TNRC6A: variants seen among roughly 807,000 people sequenced by gnomAD.
TNRC6A encodes trinucleotide repeat containing adaptor 6A.
A neutral mutation model predicts 221.2 loss-of-function variants in TNRC6A; 44 were observed. That is an observed-to-expected ratio of 0.20 (90% CI 0.16 to 0.26). The LOEUF is 0.26. Ranked by LOEUF, TNRC6A falls within the 10% of genes least tolerant of loss-of-function variation. The pLI, the probability that TNRC6A is intolerant of heterozygous loss-of-function variation, is 1.00. For synonymous variants in TNRC6A, 847 were observed against 838.5 expected (o/e 1.01, Z -0.18); for missense variants, 2,199 against 2,404.4 (o/e 0.91, Z 1.79).
intron 2 of TNRC6A, among the ~76,000 whole-genome samples, chr16:24,656,709 G>A (rs1394771327): frequency 6.6e-6 from 1 of 152,016 alleles, no homozygotes; most frequent in Non-Finnish European, 1.5e-5. Flanking sequence ...TTATTTTGGG[G>A]GAAAGAGGAA....
intron 2 of TNRC6A, among the ~76,000 whole-genome samples, chr16:24,667,944 G>A (rs1264161557): frequency 6.6e-6 from 1 of 152,146 alleles, no homozygotes; most frequent in Non-Finnish European, 1.5e-5. Flanking sequence ...AGAATCTCTT[G>A]GGCCCAGAAT....
At chr16:24,743,682 A>G (rs1342955249) in intron 2 of TNRC6A, among the ~76,000 whole-genome samples, 1 of 152,234 alleles carries the variant, frequency 6.6e-6, no homozygotes, top group East Asian at 1.9e-4. Context: ...ACTTCTGAAT[A>G]TCCTTAACCC....
Position 24,789,970 on chromosome 16 carries a change from C to T in TNRC6A, c.1328C>T (p.Pro443Leu). Residue 443 changes from proline (P) to leucine (L), a missense_variant, in exon 6 of 25, where the codon CCT (proline) becomes CTT (leucine). Transcript: ENST00000395799. ...CAGAAGGTTTCATTCAGTGGTCAAC[C>T]TCAAAATATTACCACTGAAATGACT... ...GTQKVSFSGQ[P>L]QNITTEMTGP... 1.2e-6 allele frequency: 2 copies of T among 1,614,084 alleles called. No homozygotes were observed. The highest frequency in any genetic ancestry group is 1.7e-6 in the Non-Finnish European group (2 of 1,180,002).
chr16:24,699,968 C>G (rs1332956955), intron 2 of TNRC6A, among the ~76,000 whole-genome samples: 4 of 152,070 alleles, frequency 2.6e-5, no homozygotes, highest in Non-Finnish European at 2.9e-5. Flanking sequence ...AAATCTAGCT[C>G]TGATGCCAAA....
chr16:24,645,361 T>C (rs1484530501), intron 2 of TNRC6A, among the ~76,000 whole-genome samples: 1 of 151,644 alleles, frequency 6.6e-6, no homozygotes, highest in African/African-American at 2.4e-5. Flanking sequence ...CAAAAATTAG[T>C]CCGGTGGTAG....
intron 14 of TNRC6A, 65 bp from the exon 15 acceptor site, chr16:24,805,540 C>T (rs1211219675): frequency 1.9e-6 from 3 of 1,587,474 alleles, no homozygotes; most frequent in African/African-American, 1.3e-5. Context: ...ACTGAAAACA[C>T]ACAGTACGTG....
rs541689814 is a variant in TNRC6A at position 24,659,373 on chromosome 16, G to A, written n.402+18364G>A. ...AAATTTGGGTTTAAATTTTTTCTTT[G>A]ATCTGTCTGTCTCTGTGTCTCTCTC... On this transcript the variant is annotated intron_variant and non_coding_transcript_variant, in intron 2 of 2. Transcript: ENST00000566108. Among the ~76,000 whole-genome samples, 4 of 152,060 alleles carry A rather than the reference G, an allele frequency of 2.6e-5. No homozygotes were observed. In the East Asian group the frequency reaches 5.8e-4, roughly 22 times the overall value.
At position 24,823,973 on chromosome 16, in the gene TNRC6A, C is replaced by A; in HGVS notation, c.*166C>A. 1 of 553,964 alleles carries A rather than the reference C, an allele frequency of 1.8e-6. No individual in the cohort carries two copies. Among genetic ancestry groups the A allele is most frequent in the East Asian group, 3.4e-5 (1 of 29,218 alleles). 34.3% of individuals were successfully genotyped at this position (553,964 alleles called of 1,614,324 possible). A position where few individuals can be genotyped will look rare whatever the true frequency, so the allele number is the denominator to read the frequency against. On this transcript the variant is annotated 3_prime_UTR_variant, in exon 25 of 25. Transcript: ENST00000395799. This position sits in a 1 kb window ranked among gnomAD's most constrained non-coding sequence, Gnocchi z 4.3. ...TATCAGTTTGAATACTTGAATCATG[C>A]AGGCCAATATTATAATGTGAAAAGG...
At chr16:24,657,232 T>A (rs1027372501) in intron 2 of TNRC6A, among the ~76,000 whole-genome samples, 41 of 147,328 alleles carry the variant, frequency 2.8e-4, no homozygotes, top group African/African-American at 1.0e-3. Flanking sequence ...GCAGAAGGAT[T>A]GATTGAGCCT....
intron 2 of TNRC6A, chr16:24,662,657 A>G (rs2055060249): frequency 6.5e-6 from 1 of 153,590 alleles, no homozygotes; most frequent in African/African-American, 2.4e-5. Context: ...AGTGGAATCT[A>G]CAGGGCCATT....
chr16:24,793,232 C>T lies in TNRC6A; in HGVS notation c.3176-241C>T, dbSNP rs976640179. On this transcript the variant is annotated intron_variant, in intron 6 of 24. Transcript: ENST00000395799. ...TTCCATAACTATGCAAAAATCAGCT[C>T]TAGGTCTAGAGGGTAATTATGAAAA... 9 of 299,554 alleles carry T rather than the reference C, an allele frequency of 3.0e-5. 1 individual carries two copies. The highest frequency in any genetic ancestry group is 5.5e-5 in the Non-Finnish European group (9 of 164,178). 18.6% of individuals were successfully genotyped at this position (299,554 alleles called of 1,614,324 possible). A position where few individuals can be genotyped will look rare whatever the true frequency, so the allele number is the denominator to read the frequency against.
intron 18 of TNRC6A, among the ~76,000 whole-genome samples, chr16:24,810,915 A>G (rs534675612): frequency 2.6e-5 from 4 of 152,228 alleles, no homozygotes; most frequent in African/African-American, 4.8e-5. Flanking sequence ...CACTTAACTC[A>G]TTCTTTCATT....
At chr16:24,672,949 C>T (rs539323658) in intron 2 of TNRC6A, among the ~76,000 whole-genome samples, 6 of 152,050 alleles carry the variant, frequency 3.9e-5, no homozygotes, top group Non-Finnish European at 2.9e-5. Flanking sequence ...ACCTGTAATC[C>T]CAGCACTTTG....
chr16:24,675,690 CTCTCTCTCTCTCTATA>C (rs1282982494), intron 2 of TNRC6A, among the ~76,000 whole-genome samples: 5 of 87,110 alleles, frequency 5.7e-5, no homozygotes, highest in African/African-American at 2.0e-4. Context: ...CTCTCTCTCT[CTCTCTCTCTCTCTATA>C]TATATATATA....
At chr16:24,708,068 A>C (rs34757895) in intron 2 of TNRC6A, among the ~76,000 whole-genome samples, 26,395 of 150,240 alleles carry the variant, frequency 0.18, 2,771 homozygotes, top group South Asian at 0.26. Flanking sequence ...AAAAAAAAAA[A>C]ACACACACAC....
At chr16:24,821,046 A>G (rs765065528) in intron 22 of TNRC6A, among the ~76,000 whole-genome samples, 4 of 152,244 alleles carry the variant, frequency 2.6e-5, no homozygotes, top group Non-Finnish European at 4.4e-5. Flanking sequence ...TTTTCTGATT[A>G]AATATGTAAT....
intron 4 of TNRC6A, among the ~76,000 whole-genome samples, chr16:24,761,264 A>G (rs2057356532): frequency 6.6e-6 from 1 of 152,242 alleles, no homozygotes; most frequent in Admixed American, 6.5e-5. Flanking sequence ...TGAAAGTTTT[A>G]TTCTTGTGAC....
At chr16:24,797,431 C>T in intron 9 of TNRC6A, 59 bp from the exon 10 acceptor site, 1 of 1,304,930 alleles carries the variant, frequency 7.7e-7, no homozygotes, top group Non-Finnish European at 1.1e-6. Context: ...TAATCCGTCA[C>T]TATACCCAGA....
intron 7 of TNRC6A, among the ~76,000 whole-genome samples, chr16:24,794,243 C>G (rs2058172339): frequency 6.6e-6 from 1 of 152,166 alleles, no homozygotes. Context: ...CTGTGCATCA[C>G]TATGCAGATT....
Sources: allele counts gnomAD v4.1 joint callset (sites outside exome capture counted in the v4.1 genomes callset), GRCh38; gene constraint gnomAD v4.1.1; non-coding constraint Gnocchi (gnomAD v3.1); transcripts MANE v1.5; gene names NCBI Gene and HGNC (gene_info 2026-07-23, HGNC 2026-07-21).